Variants in CERS6 observed in about 807,000 individuals in gnomAD.
CERS6 encodes LAG1 homolog, ceramide synthase 6.
A neutral mutation model predicts 56.8 loss-of-function variants in CERS6; 26 were observed. That is an observed-to-expected ratio of 0.46 (90% CI 0.34 to 0.63). The LOEUF is 0.63. Ranked by LOEUF, CERS6 falls within the 30% of genes least tolerant of loss-of-function variation. CERS6 has a pLI of 0.01. For synonymous variants in CERS6, 164 were observed against 173.3 expected (o/e 0.95, Z 0.42); for missense variants, 415 against 467.5 (o/e 0.89, Z 1.04).
At chr2:168,534,241 C>T (rs13413932) in intron 1 of CERS6, among the ~76,000 whole-genome samples, 24,496 of 151,922 alleles carry the variant, frequency 0.16, 2,537 homozygotes, top group Non-Finnish European at 0.23. Flanking sequence ...TCTCATCCTC[C>T]GTCTAGTTCT....
At chr2:168,679,085 T>A (rs1458038982) in intron 4 of CERS6, among the ~76,000 whole-genome samples, 3 of 152,130 alleles carry the variant, frequency 2.0e-5, no homozygotes, top group African/African-American at 7.2e-5. Context: ...AAATACAGAA[T>A]GACAAATACT....
intron 3 of CERS6, among the ~76,000 whole-genome samples, chr2:168,594,422 C>G (rs1313668878): frequency 6.6e-6 from 1 of 152,024 alleles, no homozygotes; most frequent in African/African-American, 2.4e-5. Flanking sequence ...CCTGTCTCTA[C>G]CAAAACAAAT....
intron 1 of CERS6, among the ~76,000 whole-genome samples, chr2:168,547,028 C>T (rs1230851124): frequency 5.9e-5 from 9 of 152,144 alleles, no homozygotes; most frequent in Admixed American, 6.5e-5. Flanking sequence ...TCATGCCCTT[C>T]GACATCCTTC....
chr2:168,774,609 A>G lies in CERS6; in HGVS notation c.*4947A>G, dbSNP rs931096841. 1.3e-5 allele frequency: 2 copies of G among 152,026 alleles called. No individual in the cohort carries two copies. The highest frequency in any genetic ancestry group is 2.1e-4 in the South Asian group (1 of 4,826). 9.4% of individuals were successfully genotyped at this position (152,026 alleles called of 1,614,324 possible). On this transcript the variant is annotated 3_prime_UTR_variant, in exon 10 of 10. Coordinates refer to ENST00000305747, the MANE Select transcript of CERS6 (RefSeq NM_203463.3). ...ACAGTAATTTTTTGACACTGTCATC[A>G]TGAAACTACCCTTAGGAAAATAAGA...
chr2:168,628,775 T>G (rs1478275927), intron 3 of CERS6, among the ~76,000 whole-genome samples: 1 of 152,096 alleles, frequency 6.6e-6, no homozygotes, highest in East Asian at 1.9e-4. Context: ...TCAAGGCTTG[T>G]GACTTTTCAC....
At chr2:168,617,187 A>G (rs1684337832) in intron 3 of CERS6, among the ~76,000 whole-genome samples, 1 of 152,194 alleles carries the variant, frequency 6.6e-6, no homozygotes, top group African/African-American at 2.4e-5. Context: ...AAACTGAATG[A>G]CAATAGTGGC....
chr2:168,684,240 GCCT>G (rs1686290143), intron 4 of CERS6, among the ~76,000 whole-genome samples: 2 of 152,114 alleles, frequency 1.3e-5, no homozygotes, highest in African/African-American at 4.8e-5. Context: ...GATGCCACAG[GCCT>G]CTAGGGAGGG....
intron 4 of CERS6, among the ~76,000 whole-genome samples, chr2:168,665,471 GAC>G (rs1021718537): frequency 6.6e-6 from 1 of 152,096 alleles, no homozygotes; most frequent in African/African-American, 2.4e-5. Context: ...GATCTCATGG[GAC>G]ACACAGCACC....
At chr2:168,617,997 A>G (rs1251855319) in intron 3 of CERS6, among the ~76,000 whole-genome samples, 1 of 152,238 alleles carries the variant, frequency 6.6e-6, no homozygotes, top group Admixed American at 6.5e-5. Context: ...AGTACTAGCT[A>G]ACCAAATCCA....
intron 4 of CERS6, among the ~76,000 whole-genome samples, chr2:168,657,583 C>G (rs972323384): frequency 2.0e-5 from 3 of 152,240 alleles, no homozygotes; most frequent in Non-Finnish European, 4.4e-5. Context: ...AGCCCTGCCC[C>G]GTGGGAAGGC....
chr2:168,749,924 T>C (rs1190618193), intron 8 of CERS6, among the ~76,000 whole-genome samples: 4 of 152,240 alleles, frequency 2.6e-5, no homozygotes, highest in African/African-American at 9.6e-5. Flanking sequence ...AGGGCAGTTT[T>C]GCAGTCATAT....
At chr2:168,547,246 T>C (rs1466305155) in intron 1 of CERS6, among the ~76,000 whole-genome samples, 1 of 152,234 alleles carries the variant, frequency 6.6e-6, no homozygotes, top group Non-Finnish European at 1.5e-5. Context: ...TATTGCTCTG[T>C]GTAAGAAGAG....
intron 1 of CERS6, among the ~76,000 whole-genome samples, chr2:168,472,208 C>T (rs1425631516): frequency 3.3e-5 from 5 of 152,128 alleles, no homozygotes; most frequent in South Asian, 2.1e-4. Flanking sequence ...TTTTTATTCT[C>T]CCTGTATAGC....
At chr2:168,684,960 G>A (rs937194543) in intron 4 of CERS6, among the ~76,000 whole-genome samples, 8 of 152,098 alleles carry the variant, frequency 5.3e-5, no homozygotes, top group African/African-American at 1.9e-4. Context: ...AAGGCATAAG[G>A]TTTAAATATA....
At chr2:168,505,453 CAGAT>C (rs1166187610) in intron 1 of CERS6, among the ~76,000 whole-genome samples, 1 of 149,690 alleles carries the variant, frequency 6.7e-6, no homozygotes, top group East Asian at 2.0e-4. Flanking sequence ...CTCTCCCTAT[CAGAT>C]AGATAGAAGC....
chr2:168,460,436 A>G (rs949153188), intron 1 of CERS6, among the ~76,000 whole-genome samples: 1 of 151,820 alleles, frequency 6.6e-6, no homozygotes, highest in African/African-American at 2.4e-5. Flanking sequence ...AGCTCAAGTG[A>G]CCCGCCCACC....
At chr2:168,491,686 G>A (rs1439765065) in intron 1 of CERS6, among the ~76,000 whole-genome samples, 4 of 151,878 alleles carry the variant, frequency 2.6e-5, no homozygotes, top group African/African-American at 9.7e-5. Context: ...GAACGTGTAG[G>A]TTTGTTACAT....
intron 3 of CERS6, among the ~76,000 whole-genome samples, chr2:168,566,908 A>G (rs1373377516): frequency 6.6e-6 from 1 of 152,134 alleles, no homozygotes; most frequent in Non-Finnish European, 1.5e-5. Context: ...TATTTTCTCT[A>G]TCAGACCATG....
rs370190719 is a variant in CERS6 at position 168,596,337 on chromosome 2, G to A, written c.408-34648G>A. Among the ~76,000 whole-genome samples the A allele has an allele frequency of 5.0e-4, 76 of 152,006 alleles. 2 individuals are homozygous for A. The South Asian group carries it at 0.015, about 30-fold the overall frequency. ...AGACCAGATTATGTGTGTGGGCGGG[G>A]GATTGGGGGGAGGGGTTGTTGTCTT... is the stretch of plus-strand genomic sequence containing the variant. On this transcript the variant is annotated intron_variant, in intron 3 of 9. Transcript: ENST00000305747.
Sources: gnomAD v4.1 joint callset for allele counts (sites outside exome capture counted in the v4.1 genomes callset) on GRCh38, gnomAD v4.1.1 for gene constraint, MANE v1.5 for transcripts, NCBI Gene and HGNC (gene_info 2026-07-23, HGNC 2026-07-21) for gene names.